The following CYP2C19 variants were observed in gnomAD, a reference collection of about 807,000 sequenced individuals.
The protein encoded by CYP2C19 is cytochrome P450 family 2 subfamily C member 19, also known as cytochrome P450 2C19.
Under a neutral mutation model 40.9 loss-of-function variants are expected in CYP2C19, and 59 were observed. The observed-to-expected ratio is 1.44, with a 90% CI of 1.17 to 1.79. The LOEUF is 1.79. Among genes scored for constraint, CYP2C19 ranks in the 40% most tolerant of loss-of-function variants. The pLI is 0.00. For missense variants in CYP2C19, 754 were observed against 596.9 expected, an observed-to-expected ratio of 1.26 and a Z score of -2.74; for synonymous variants, 253 against 208.7, an observed-to-expected ratio of 1.21 and a Z score of -1.83.
At chr10:94,846,028 A>T (rs1401618027) in intron 7 of CYP2C19, among the ~76,000 whole-genome samples, 1 of 152,174 alleles carries the variant, frequency 6.6e-6, no homozygotes, top group Non-Finnish European at 1.5e-5. Context: ...TAGCATTCAT[A>T]GTATGGAGTT....
intron 7 of CYP2C19, among the ~76,000 whole-genome samples, chr10:94,849,400 T>C (rs1849618012): frequency 6.6e-6 from 1 of 151,738 alleles, no homozygotes; most frequent in Non-Finnish European, 1.5e-5. Context: ...AAGTTCATTT[T>C]AAATTAGCTG....
At chr10:94,785,455 T>C (rs1275080563) in intron 5 of CYP2C19, among the ~76,000 whole-genome samples, 1 of 152,140 alleles carries the variant, frequency 6.6e-6, no homozygotes, top group Non-Finnish European at 1.5e-5. Flanking sequence ...GCACCCTTGA[T>C]GAAAGTAAAT....
chr10:94,829,177 G>T (rs959798490), intron 6 of CYP2C19, among the ~76,000 whole-genome samples: 8 of 152,046 alleles, frequency 5.3e-5, no homozygotes, highest in Admixed American at 5.2e-4. Context: ...TCTTTGTGGC[G>T]TTCTCTGTAT....
chr10:94,778,405 T>C (rs538320243), intron 3 of CYP2C19, among the ~76,000 whole-genome samples: 2 of 152,076 alleles, frequency 1.3e-5, no homozygotes, highest in South Asian at 4.1e-4. Context: ...CTATACTTTC[T>C]CCCACCACTC....
Position 94,834,836 on chromosome 10 carries a change from C to T in CYP2C19, c.962-8001C>T, listed in dbSNP as rs566499222. Reference sequence around the variant, plus strand: ...TTTAAAGGTGGAAGTGGTCACCTTCCCAGGTAGGCTTAGGGATTCTTAGTC... The same window carrying T: ...TTTAAAGGTGGAAGTGGTCACCTTCTCAGGTAGGCTTAGGGATTCTTAGTC... On this transcript the variant is annotated intron_variant, in intron 6 of 8. Transcript: ENST00000371321. Among the ~76,000 whole-genome samples the T allele has an allele frequency of 3.3e-5, 5 of 152,216 alleles. No individual in the cohort carries two copies. The South Asian group carries it at 8.3e-4, about 25-fold the overall frequency.
intron 5 of CYP2C19, among the ~76,000 whole-genome samples, chr10:94,803,628 G>C (rs1848795634): frequency 6.6e-6 from 1 of 152,180 alleles, no homozygotes; most frequent in South Asian, 2.1e-4. Context: ...AAATAATCCA[G>C]TGGGCAGACT....
At chr10:94,797,840 C>T (rs1848710000) in intron 5 of CYP2C19, among the ~76,000 whole-genome samples, 1 of 151,862 alleles carries the variant, frequency 6.6e-6, no homozygotes, top group Admixed American at 6.6e-5. Flanking sequence ...GGTGATATCC[C>T]CTTTATCATT....
chr10:94,839,890 A>G (rs934601196), intron 6 of CYP2C19, among the ~76,000 whole-genome samples: 21 of 152,326 alleles, frequency 1.4e-4, no homozygotes, highest in African/African-American at 4.8e-4. Flanking sequence ...TGCTGGGTTA[A>G]GGGAATTATC....
intron 1 of CYP2C19, among the ~76,000 whole-genome samples, chr10:94,771,503 T>G (rs112543932): frequency 0.078 from 11,802 of 152,192 alleles, 529 homozygotes; most frequent in South Asian, 0.12. Context: ...CTTCCCTCAG[T>G]TGGCCATTTT....
chr10:94,787,174 T>A (rs1848553242), intron 5 of CYP2C19, among the ~76,000 whole-genome samples: 1 of 152,132 alleles, frequency 6.6e-6, no homozygotes, highest in Non-Finnish European at 1.5e-5. Flanking sequence ...TTTTTTGGCT[T>A]TTTAATCATA....
chr10:94,802,648 C>G (rs901834903), intron 5 of CYP2C19, among the ~76,000 whole-genome samples: 1 of 152,060 alleles, frequency 6.6e-6, no homozygotes, highest in African/African-American at 2.4e-5. Flanking sequence ...AGTTATTTTG[C>G]TTGTTAGTTG....
intron 6 of CYP2C19, among the ~76,000 whole-genome samples, chr10:94,839,084 A>G (rs375160727): frequency 3.3e-5 from 5 of 152,320 alleles, no homozygotes; most frequent in Middle Eastern, 6.8e-3. Context: ...TCTGATGAGC[A>G]TAAGTCCTAG....
intron 1 of CYP2C19, among the ~76,000 whole-genome samples, chr10:94,770,997 A>T (rs565580540): frequency 6.6e-6 from 1 of 152,176 alleles, no homozygotes; most frequent in African/African-American, 2.4e-5. Flanking sequence ...TCTTTTCATT[A>T]AAGGCCAGGG....
chr10:94,808,493 G>C (rs980090986), intron 5 of CYP2C19, among the ~76,000 whole-genome samples: 1 of 151,996 alleles, frequency 6.6e-6, no homozygotes, highest in African/African-American at 2.4e-5. Flanking sequence ...ATTGACTATA[G>C]TCACCCTATT....
At chr10:94,840,228 C>CTT (rs113238504) in intron 6 of CYP2C19, among the ~76,000 whole-genome samples, 4 of 142,876 alleles carry the variant, frequency 2.8e-5, no homozygotes, top group African/African-American at 5.1e-5. Context: ...ATGGGGCACA[C>CTT]TTTTTTTTTT....
intron 1 of CYP2C19, chr10:94,774,504 A>G (rs937985478): frequency 1.9e-5 from 3 of 158,786 alleles, no homozygotes; most frequent in Non-Finnish European, 4.2e-5. Context: ...TGGCCCAGCA[A>G]TCGGGACCTC....
intron 5 of CYP2C19, among the ~76,000 whole-genome samples, chr10:94,790,247 G>A (rs1848588576): frequency 6.6e-6 from 1 of 152,132 alleles, no homozygotes; most frequent in South Asian, 2.1e-4. Context: ...GTTTTGGGCT[G>A]AGACAATGGG....
chr10:94,775,062 C>CA lies in CYP2C19; in HGVS notation c.178dup (p.Ile60AsnfsTer22), dbSNP rs1848387679. 8 of 1,613,950 alleles carry CA rather than the reference C, an allele frequency of 5.0e-6. No homozygotes were observed. Among genetic ancestry groups the CA allele is most frequent in the Non-Finnish European group, 6.8e-6 (8 of 1,179,934 alleles). On this transcript the variant is annotated frameshift_variant, in exon 2 of 9. Transcript: ENST00000371321. LOFTEE classifies it high-confidence loss of function. ...TAACTGTATCTCCTTTTCTAGCTCT[C>CA]AAAAATCTATGGCCCTGTGTTCACT... is the stretch of plus-strand genomic sequence containing the variant.
chr10:94,798,362 G>A (rs756537896), intron 5 of CYP2C19, among the ~76,000 whole-genome samples: 1 of 152,086 alleles, frequency 6.6e-6, no homozygotes, highest in Admixed American at 6.6e-5. Context: ...GAGACAGTTT[G>A]TTATAATTTC....
Sources: gnomAD v4.1 joint callset for allele counts (sites outside exome capture counted in the v4.1 genomes callset) on GRCh38, gnomAD v4.1.1 for gene constraint, MANE v1.5 for transcripts, NCBI Gene and HGNC (gene_info 2026-07-23, HGNC 2026-07-21) for gene names.